The following SSRP1 variants were observed in gnomAD, a reference collection of about 807,000 sequenced individuals.
SSRP1 encodes FACT complex subunit SSRP1.
Under a neutral mutation model 84.4 loss-of-function variants are expected in SSRP1, and 21 were observed. That is an observed-to-expected ratio of 0.25 (90% CI 0.18 to 0.36). The LOEUF (loss-of-function observed/expected upper bound fraction) is 0.36, where lower values mean the gene tolerates loss of function less well. Among genes scored for constraint, SSRP1 ranks in the 10% least tolerant of loss-of-function variants. SSRP1 has a pLI of 1.00. For synonymous variants in SSRP1, 319 were observed against 318.3 expected (o/e 1.00, Z -0.02); for missense variants, 519 against 900.8 (o/e 0.58, Z 5.43).
Position 57,332,190 on chromosome 11 carries a change from C to G in SSRP1, c.963G>C (p.Leu321=). 6.2e-7 allele frequency: 1 copy of G among 1,613,940 alleles called. No individual in the cohort carries two copies. Among genetic ancestry groups the G allele is most frequent in the Non-Finnish European group, 8.5e-7 (1 of 1,180,022 alleles). ...CTGGCACTGTGATCTTGCGGTTTACCAGTGCTTTCATGACCCGGCTGACCA... is the reference window on the plus strand; with the variant it reads ...CTGGCACTGTGATCTTGCGGTTTACGAGTGCTTTCATGACCCGGCTGACCA... ...YEMVSRVMKA[L]VNRKITVPGN... is the part of the protein sequence containing the mutation. Residue 321 remains leucine, a synonymous_variant, in exon 8 of 17, where the codon CTG becomes CTC. Coordinates refer to ENST00000278412, the MANE Select transcript of SSRP1 (RefSeq NM_003146.3). The surrounding 1 kb of genome is among the most constrained non-coding windows in gnomAD (Gnocchi z 5.5).
rs143284401 is a variant in SSRP1, at chr11:57,335,036, C to CT, written c.54+31dup. On this transcript the variant is annotated intron_variant, in intron 2 of 16. Transcript: ENST00000278412. The surrounding 1 kb of genome is among the most constrained non-coding windows in gnomAD (Gnocchi z 4.6). ...AAAACTCTACCCTCCTTCCTTCTCTCTACTTGTATCACCTGTCCAAGCCAT... is the reference window on the plus strand; with the variant it reads ...AAAACTCTACCCTCCTTCCTTCTCTCTTACTTGTATCACCTGTCCAAGCCAT... 1.4e-3 allele frequency: 2,298 copies of CT among 1,613,116 alleles called. 26 individuals carry two copies. The African/African-American group carries it at 0.028, about 19-fold the overall frequency.
chr11:57,327,456 T>C lies in SSRP1; in HGVS notation c.1841A>G (p.Tyr614Cys). Residue 614 changes from tyrosine to cysteine, a missense_variant, in exon 15 of 17, where the codon TAT becomes TGT. This residue lies in a region of SSRP1 where 197 missense variants were observed against 265.0 expected (regional missense o/e 0.74). Transcript: ENST00000278412. ...AGAAGACTCGCCTCGGCCCCCTTCATATTCTTTCATGGCTTTTTCATAGTC... is the reference window on the plus strand; with the variant it reads ...AGAAGACTCGCCTCGGCCCCCTTCACATTCTTTCATGGCTTTTTCATAGTC... Reference protein sequence around the residue: ...RRDYEKAMKEYEGGRGESSKR... With the variant: ...RRDYEKAMKECEGGRGESSKR... 6.2e-7 allele frequency: 1 copy of C among 1,614,126 alleles called. No individual in the cohort carries two copies. Among genetic ancestry groups the C allele is most frequent in the Non-Finnish European group, 8.5e-7 (1 of 1,180,030 alleles).
rs752043161 is a variant in SSRP1 at position 57,330,142 on chromosome 11, A to C, written c.1436-4T>G. ...TCACCTGGGTTGAATGACTCATCTG[A>C]AAAAGGGCACAGGATGCATCAGCTT... On this transcript the variant is annotated splice_region_variant and splice_polypyrimidine_tract_variant and intron_variant, in intron 11 of 16. Transcript: ENST00000278412. The surrounding 1 kb of genome is among the most constrained non-coding windows in gnomAD (Gnocchi z 4.0). The C allele has an allele frequency of 1.9e-6, 3 of 1,614,134 alleles. No individual in the cohort carries two copies. The highest frequency in any genetic ancestry group is 2.5e-6 in the Non-Finnish European group (3 of 1,180,016).
At position 57,333,428 on chromosome 11, in the gene SSRP1, G is replaced by A. The variant is rs1856137273; in HGVS notation, c.346+7C>T. 6.2e-7 allele frequency: 1 copy of A among 1,611,736 alleles called. No homozygotes were observed. The highest frequency in any genetic ancestry group is 8.5e-7 in the Non-Finnish European group (1 of 1,178,008). On this transcript the variant is annotated splice_region_variant and intron_variant, in intron 4 of 16. Transcript: ENST00000278412. Reference sequence around the variant, plus strand: ...CTCCCCAAACCTCAGTCTTCCCCAGGACTCACCACCAAATTTCACTGTCCC... The same window carrying A: ...CTCCCCAAACCTCAGTCTTCCCCAGAACTCACCACCAAATTTCACTGTCCC...
In SSRP1 at chr11:57,332,415, G is replaced by A. The variant is rs371221630; in HGVS notation, c.840C>T (p.Asp280=). The stretch of plus-strand genomic sequence containing the variant: ...TGTTCAGAGTCAACGAAATGTCCTC[G>A]TCCTTGGAGAAGAGGAGGATCAGGA... The part of the protein sequence containing the change: ...YHFLILLFSK[D]EDISLTLNMN... Residue 280 remains aspartate, a synonymous_variant, in exon 7 of 17, where the codon GAC becomes GAT. Coordinates refer to ENST00000278412, the MANE Select transcript of SSRP1 (RefSeq NM_003146.3). The surrounding 1 kb of genome is among the most constrained non-coding windows in gnomAD (Gnocchi z 5.5). 26 of 1,614,130 alleles carry A rather than the reference G, an allele frequency of 1.6e-5. No homozygotes were observed. Among genetic ancestry groups the A allele is most frequent in the Admixed American group, 5.0e-5 (3 of 60,030 alleles).
At chr11:57,333,608 C>T (rs1028794608) in intron 3 of SSRP1, 68 bp from the exon 4 acceptor site, 2 of 1,135,116 alleles carry the variant, frequency 1.8e-6, no homozygotes. Context: ...CTTGAATGTC[C>T]TGGGATTATC....
Position 57,335,029 on chromosome 11 carries a change from C to T in SSRP1, c.54+39G>A, listed in dbSNP as rs1456978112. ...ATGGACAAAAACTCTACCCTCCTTC[C>T]TTCTCTCTACTTGTATCACCTGTCC... On this transcript the variant is annotated intron_variant, in intron 2 of 16. Transcript: ENST00000278412. The surrounding 1 kb of genome is among the most constrained non-coding windows in gnomAD (Gnocchi z 4.6). 2.5e-6 allele frequency: 4 copies of T among 1,611,220 alleles called. No individual in the cohort carries two copies. In the Admixed American group the frequency reaches 5.0e-5, roughly 20 times the overall value.
chr11:57,328,008 G>T, intron 13 of SSRP1, 126 bp from the exon 14 acceptor site: 1 of 1,194,252 alleles, frequency 8.4e-7, no homozygotes, highest in Non-Finnish European at 1.2e-6. Context: ...CGAGACGAGA[G>T]CTCCCTAAGG....
chr11:57,327,674 C>G, intron 14 of SSRP1, 38 bp downstream of exon 14: 1 of 1,610,352 alleles, frequency 6.2e-7, no homozygotes, highest in South Asian at 1.1e-5. Context: ...CTCTCGCCAG[C>G]CCATGAGAGG....
rs963449675 is a variant in SSRP1 at position 57,330,716 on chromosome 11, G to C, written c.1296+139C>G. On this transcript the variant is annotated intron_variant, in intron 10 of 16. Coordinates refer to ENST00000278412, the MANE Select transcript of SSRP1 (RefSeq NM_003146.3). The surrounding 1 kb of genome is among the most constrained non-coding windows in gnomAD (Gnocchi z 4.0). ...CAGAGGAAACCTGCACCAGGAGGGG[G>C]AAAGGGTCACACGCACCTCTTTTTT... 2.0e-6 allele frequency: 3 copies of C among 1,500,304 alleles called. No homozygotes were observed. The African/African-American group carries it at 4.2e-5, about 21-fold the overall frequency. The allele number at this position is 1,500,304 out of a possible 1,614,324, so 92.9% of individuals were successfully genotyped here. A position where few individuals can be genotyped will look rare whatever the true frequency, so the allele number is the denominator to read the frequency against.
intron 13 of SSRP1, 139 bp downstream of exon 13, chr11:57,328,158 G>A (rs1392401678): frequency 1.5e-6 from 2 of 1,357,562 alleles, no homozygotes; most frequent in Non-Finnish European, 2.0e-6. Flanking sequence ...AACCCTCAAG[G>A]CTATAATCAC....
In SSRP1 at chr11:57,327,507, TC is replaced by T; in HGVS notation, c.1789del (p.Asp597IlefsTer15). On this transcript the variant is annotated frameshift_variant, in exon 15 of 17. Transcript: ENST00000278412. LOFTEE classifies it high-confidence loss of function. ...GMSKEKKEEW[D>X]RKAEDARRDY... ...CCTCCTGGCATCCTCAGCCTTGCGA[TC>T]CCACTCCTGTCTCACACACAGAAAA... The T allele has an allele frequency of 6.2e-7, 1 of 1,614,046 alleles. No homozygotes were observed. Among genetic ancestry groups the T allele is most frequent in the Non-Finnish European group, 8.5e-7 (1 of 1,180,006 alleles).
chr11:57,326,161 G>A lies in SSRP1; in HGVS notation c.*246C>T. On this transcript the variant is annotated 3_prime_UTR_variant, in exon 17 of 17. Coordinates refer to ENST00000278412, the MANE Select transcript of SSRP1 (RefSeq NM_003146.3). ...CTTAAGGTCGGGAAAGTAAGATGAG[G>A]ATTTGGATCCTGCATTGCCCTGCCT... 1 of 570,492 alleles carries A rather than the reference G, an allele frequency of 1.8e-6. No homozygotes were observed. 35.3% of individuals were successfully genotyped at this position (570,492 alleles called of 1,614,324 possible).
rs1003951237 is a variant in SSRP1, at chr11:57,330,713, G to A, written c.1296+142C>T. 4.0e-6 allele frequency: 6 copies of A among 1,496,398 alleles called. No individual in the cohort carries two copies. Among genetic ancestry groups the A allele is most frequent in the African/African-American group, 1.4e-5 (1 of 71,556 alleles). The allele number at this position is 1,496,398 out of a possible 1,614,324, so 92.7% of individuals were successfully genotyped here. On this transcript the variant is annotated intron_variant, in intron 10 of 16. Coordinates refer to ENST00000278412, the MANE Select transcript of SSRP1 (RefSeq NM_003146.3). This position sits in a 1 kb window ranked among gnomAD's most constrained non-coding sequence, Gnocchi z 4.0. ...ATGCAGAGGAAACCTGCACCAGGAGGGGGAAAGGGTCACACGCACCTCTTT... is the reference window on the plus strand; with the variant it reads ...ATGCAGAGGAAACCTGCACCAGGAGAGGGAAAGGGTCACACGCACCTCTTT...
At position 57,330,731 on chromosome 11, in the gene SSRP1, A is replaced by T; in HGVS notation, c.1296+124T>A. On this transcript the variant is annotated intron_variant, in intron 10 of 16. Transcript: ENST00000278412. The surrounding 1 kb of genome is among the most constrained non-coding windows in gnomAD (Gnocchi z 4.0). ...CCAGGAGGGGGAAAGGGTCACACGC[A>T]CCTCTTTTTTCTATAAGGGTAAGAA... is the stretch of plus-strand genomic sequence containing the variant. 1 of 1,536,062 alleles carries T rather than the reference A, an allele frequency of 6.5e-7. No individual in the cohort carries two copies. The highest frequency in any genetic ancestry group is 8.8e-7 in the Non-Finnish European group (1 of 1,140,990).
In SSRP1 at chr11:57,331,901, T is replaced by G; in HGVS notation, c.1002-12A>C. On this transcript the variant is annotated splice_polypyrimidine_tract_variant and intron_variant, in intron 8 of 16. Coordinates refer to ENST00000278412, the MANE Select transcript of SSRP1 (RefSeq NM_003146.3). ...GGGCCCCTGAGTGCCTGACAGAGGG[T>G]GCAGGGAGCCTGGTTAGTGCCAACC... The G allele has an allele frequency of 1.2e-6, 2 of 1,605,854 alleles. No individual in the cohort carries two copies. The highest frequency in any genetic ancestry group is 8.5e-7 in the Non-Finnish European group (1 of 1,176,174).
In SSRP1 at chr11:57,330,983, C is replaced by A; in HGVS notation, c.1224-56G>T. 1 of 1,579,006 alleles carries A rather than the reference C, an allele frequency of 6.3e-7. No individual in the cohort carries two copies. Among genetic ancestry groups the A allele is most frequent in the Non-Finnish European group, 8.7e-7 (1 of 1,148,476 alleles). ...GAGGTAGTGCCAACACAGGGGCACACTAAACAATGTTCTGATTCCATGAGC... is the reference window on the plus strand; with the variant it reads ...GAGGTAGTGCCAACACAGGGGCACAATAAACAATGTTCTGATTCCATGAGC... On this transcript the variant is annotated intron_variant, in intron 9 of 16. Coordinates refer to ENST00000278412, the MANE Select transcript of SSRP1 (RefSeq NM_003146.3). The surrounding 1 kb of genome is among the most constrained non-coding windows in gnomAD (Gnocchi z 4.0).
rs574805136 is a variant in SSRP1, at chr11:57,334,168, A to C, written c.240+295T>G. Among the ~76,000 whole-genome samples, 5 of 152,306 alleles carry C rather than the reference A, an allele frequency of 3.3e-5. No homozygotes were observed. In the South Asian group the frequency reaches 1.0e-3, roughly 32 times the overall value. Reference sequence around the variant, plus strand: ...GCCCTGTCCCCAAAAAAAACCAAAAACACACATACACACAAAGAAATCAAG... The same window carrying C: ...GCCCTGTCCCCAAAAAAAACCAAAACCACACATACACACAAAGAAATCAAG... On this transcript the variant is annotated intron_variant, in intron 3 of 16. Transcript: ENST00000278412.
At position 57,335,381 on chromosome 11, in the gene SSRP1, G is replaced by A. The variant is rs1856193167; in HGVS notation, c.-119-141C>T. 5 of 452,214 alleles carry A rather than the reference G, an allele frequency of 1.1e-5. No homozygotes were observed. The highest frequency in any genetic ancestry group is 2.1e-5 in the Non-Finnish European group (5 of 241,918). The allele number at this position is 452,214 out of a possible 1,614,324, so 28.0% of individuals were successfully genotyped here. ...GAAACCTACAGACGGACGCTGCAGT[G>A]CCCGAGGGTCCAGGTCCAGGCCTGG... On this transcript the variant is annotated intron_variant, in intron 1 of 16. Transcript: ENST00000278412. This position sits in a 1 kb window ranked among gnomAD's most constrained non-coding sequence, Gnocchi z 4.6.
Sources: allele counts gnomAD v4.1 joint callset (sites outside exome capture counted in the v4.1 genomes callset), GRCh38; gene constraint gnomAD v4.1.1; regional missense constraint gnomAD v4.1.1; non-coding constraint Gnocchi (gnomAD v3.1); transcripts MANE v1.5; gene names NCBI Gene and HGNC (gene_info 2026-07-23, HGNC 2026-07-21).